The following ZNF385D variants were observed in gnomAD, a reference collection of about 807,000 sequenced individuals.
ZNF385D encodes zinc finger protein 385D, also known as zinc finger protein 659.
Under a neutral mutation model 35.8 loss-of-function variants are expected in ZNF385D, and 15 were observed. The observed-to-expected ratio is 0.42, with a 90% CI of 0.28 to 0.64. The LOEUF (loss-of-function observed/expected upper bound fraction) is 0.64, where lower values mean the gene tolerates loss of function less well. Ranked by LOEUF, ZNF385D falls within the 30% of genes least tolerant of loss-of-function variation. The pLI is 0.23. For missense variants in ZNF385D, 474 were observed against 494.6 expected, an observed-to-expected ratio of 0.96 and a Z score of 0.39; for synonymous variants, 212 against 186.8, an observed-to-expected ratio of 1.13 and a Z score of -1.10.
At chr3:21,806,485 G>A (rs931642159) in intron 3 of ZNF385D, among the ~76,000 whole-genome samples, 2 of 151,938 alleles carry the variant, frequency 1.3e-5, no homozygotes, top group African/African-American at 2.4e-5. Context: ...GATTACAGGC[G>A]TGAGCCACCG....
At chr3:21,444,762 A>G (rs1702058237) in intron 4 of ZNF385D, among the ~76,000 whole-genome samples, 2 of 152,100 alleles carry the variant, frequency 1.3e-5, no homozygotes, top group Non-Finnish European at 2.9e-5. Flanking sequence ...ATGTGATTTG[A>G]GAGGGCAATG....
chr3:22,170,658 G>A (rs903040058), intron 2 of ZNF385D, among the ~76,000 whole-genome samples: 1 of 152,068 alleles, frequency 6.6e-6, no homozygotes. Flanking sequence ...TATAGACTTT[G>A]TAAAATGATT....
chr3:22,301,408 G>A (rs1215390609), intron 2 of ZNF385D, among the ~76,000 whole-genome samples: 1 of 151,968 alleles, frequency 6.6e-6, no homozygotes, highest in Non-Finnish European at 1.5e-5. Flanking sequence ...CTTAAAAATT[G>A]CGAGGTGAGT....
chr3:21,556,058 TTTTGTTTTTG>T (rs2062724825), intron 3 of ZNF385D, among the ~76,000 whole-genome samples: 1 of 132,752 alleles, frequency 7.5e-6, no homozygotes, highest in African/African-American at 3.0e-5. Flanking sequence ...TTGACGTTTT[TTTTGTTTTTG>T]TTTTTTTTTT....
chr3:22,088,442 C>T (rs1176074747), intron 3 of ZNF385D, among the ~76,000 whole-genome samples: 1 of 152,124 alleles, frequency 6.6e-6, no homozygotes, highest in Admixed American at 6.6e-5. Flanking sequence ...TGGCTTCAGT[C>T]TGGCACCATT....
At chr3:21,823,793 C>T (rs1382391658) in intron 3 of ZNF385D, among the ~76,000 whole-genome samples, 2 of 152,048 alleles carry the variant, frequency 1.3e-5, no homozygotes, top group African/African-American at 4.8e-5. Flanking sequence ...CAGATTGTGC[C>T]GCATTGTCAG....
chr3:21,808,568 C>A (rs1220574999), intron 3 of ZNF385D, among the ~76,000 whole-genome samples: 1 of 152,204 alleles, frequency 6.6e-6, no homozygotes, highest in Non-Finnish European at 1.5e-5. Flanking sequence ...GCTTGTGCCT[C>A]CTCTCCTTTG....
intron 2 of ZNF385D, among the ~76,000 whole-genome samples, chr3:22,370,383 A>G (rs980888125): frequency 1.3e-5 from 2 of 152,216 alleles, no homozygotes; most frequent in African/African-American, 2.4e-5. Context: ...CAAGATGAAC[A>G]CTAAGATCTC....
At chr3:22,206,980 T>C (rs1697200298) in intron 2 of ZNF385D, among the ~76,000 whole-genome samples, 1 of 151,726 alleles carries the variant, frequency 6.6e-6, no homozygotes, top group East Asian at 1.9e-4. Flanking sequence ...TTTTTTTGGA[T>C]ATATAAACAA....
At chr3:21,828,222 A>G (rs1694774746) in intron 3 of ZNF385D, among the ~76,000 whole-genome samples, 1 of 152,206 alleles carries the variant, frequency 6.6e-6, no homozygotes. Context: ...TTAAACTAAT[A>G]TGTTTATCCG....
chr3:22,280,676 T>C lies in ZNF385D; in HGVS notation c.106+91774A>G, dbSNP rs111860989. Among the ~76,000 whole-genome samples the C allele has an allele frequency of 8.9e-3, 1,362 of 152,218 alleles. 21 individuals carry two copies. Among genetic ancestry groups the C allele is most frequent in the African/African-American group, 0.032 (1,313 of 41,554 alleles). On this transcript the variant is annotated intron_variant, in intron 2 of 5. Transcript: ENST00000494108. Reference sequence around the variant, plus strand: ...TGCTGTTTTGGTGACTATAGTCTTATATAGTTTGAAGTCGGGTAATGTAAT... The same window carrying C: ...TGCTGTTTTGGTGACTATAGTCTTACATAGTTTGAAGTCGGGTAATGTAAT...
At chr3:21,829,334 A>C (rs62236487) in intron 3 of ZNF385D, among the ~76,000 whole-genome samples, 3 of 151,982 alleles carry the variant, frequency 2.0e-5, no homozygotes, top group Non-Finnish European at 4.4e-5. Flanking sequence ...AAATAATGAG[A>C]AGGAGGCAAA....
intron 3 of ZNF385D, among the ~76,000 whole-genome samples, chr3:21,835,642 A>G (rs903708870): frequency 1.2e-4 from 19 of 152,138 alleles, no homozygotes; most frequent in Admixed American, 3.9e-4. Context: ...ATGTAGCCTA[A>G]AAGAGGGAAG....
At chr3:21,680,215 A>G (rs1430394144) in intron 1 of ZNF385D, among the ~76,000 whole-genome samples, 1 of 152,002 alleles carries the variant, frequency 6.6e-6, no homozygotes, top group East Asian at 1.9e-4. Context: ...TCTCACAAAC[A>G]TTCATTCAAT....
At chr3:21,685,813 A>G (rs1157351553) in intron 1 of ZNF385D, among the ~76,000 whole-genome samples, 1 of 152,244 alleles carries the variant, frequency 6.6e-6, no homozygotes, top group Non-Finnish European at 1.5e-5. Flanking sequence ...GGAGGTACAA[A>G]TGATTAGCTA....
At chr3:21,547,470 C>G (rs187925997) in intron 3 of ZNF385D, among the ~76,000 whole-genome samples, 1 of 151,960 alleles carries the variant, frequency 6.6e-6, no homozygotes, top group Non-Finnish European at 1.5e-5. Flanking sequence ...GAGCGTCTGA[C>G]GATAGCCCCT....
At chr3:22,125,008 A>C (rs370095870) in intron 3 of ZNF385D, among the ~76,000 whole-genome samples, 1 of 152,134 alleles carries the variant, frequency 6.6e-6, no homozygotes, top group Non-Finnish European at 1.5e-5. Context: ...AACATCCTGG[A>C]AAGTTTCCCC....
At chr3:21,678,752 T>C (rs2066807433) in intron 1 of ZNF385D, among the ~76,000 whole-genome samples, 1 of 152,170 alleles carries the variant, frequency 6.6e-6, no homozygotes, top group Middle Eastern at 3.4e-3. Context: ...GCTTCTGAAA[T>C]TGGCCCTGCA....
chr3:22,034,199 G>A (rs1291083613), intron 3 of ZNF385D, among the ~76,000 whole-genome samples: 1 of 152,184 alleles, frequency 6.6e-6, no homozygotes, highest in Admixed American at 6.5e-5. Flanking sequence ...ATTAGAATTA[G>A]ATGAAGTCTT....
Sources: gnomAD v4.1 joint callset for allele counts (sites outside exome capture counted in the v4.1 genomes callset) on GRCh38, gnomAD v4.1.1 for gene constraint, MANE v1.5 for transcripts, NCBI Gene and HGNC (gene_info 2026-07-23, HGNC 2026-07-21) for gene names.